The following MYT1L variants were observed in gnomAD, a reference collection of about 807,000 sequenced individuals.
The protein encoded by MYT1L is myelin transcription factor 1 like.
MYT1L carries 12 observed loss-of-function variants against 126.7 expected under a neutral mutation model. The observed-to-expected ratio is 0.09, with a 90% CI of 0.06 to 0.15. MYT1L has a LOEUF of 0.15. MYT1L is among the 10% of genes least tolerant of loss of function. MYT1L has a pLI of 1.00. For missense variants in MYT1L, 979 were observed against 1,585.2 expected (o/e 0.62, Z 6.49); for synonymous variants, 541 against 604.2 (o/e 0.90, Z 1.53).
intron 1 of MYT1L, among the ~76,000 whole-genome samples, chr2:2,308,053 T>A (rs1017098841): frequency 1.3e-5 from 2 of 151,344 alleles, no homozygotes; most frequent in Non-Finnish European, 2.9e-5. Flanking sequence ...TACTCTATAC[T>A]CCACCTATGC....
chr2:1,951,116 T>C (rs918568626), intron 8 of MYT1L, among the ~76,000 whole-genome samples: 3 of 151,986 alleles, frequency 2.0e-5, no homozygotes, highest in African/African-American at 7.3e-5. Context: ...CTCTATAATC[T>C]CTTCTTTTTC....
At chr2:2,121,366 G>A (rs1030761457) in intron 3 of MYT1L, among the ~76,000 whole-genome samples, 19 of 151,946 alleles carry the variant, frequency 1.3e-4, no homozygotes, top group African/African-American at 4.1e-4. Flanking sequence ...TAGTAGAGAC[G>A]GGGTTTCACT....
At chr2:2,108,868 T>C (rs542695843) in intron 3 of MYT1L, among the ~76,000 whole-genome samples, 1 of 152,348 alleles carries the variant, frequency 6.6e-6, no homozygotes, top group South Asian at 2.1e-4. Context: ...GCAGTTTTGG[T>C]GATGTTGTAC....
Position 1,790,753 on chromosome 2 carries a change from G to C in MYT1L, c.*1114C>G, listed in dbSNP as rs1048098611. 3 of 154,752 alleles carry C rather than the reference G, an allele frequency of 1.9e-5. No homozygotes were observed. Among genetic ancestry groups the C allele is most frequent in the Admixed American group, 1.9e-4 (3 of 15,920 alleles). The allele number at this position is 154,752 out of a possible 1,614,324, so 9.6% of individuals were successfully genotyped here. A position where few individuals can be genotyped will look rare whatever the true frequency, so the allele number is the denominator to read the frequency against. On this transcript the variant is annotated 3_prime_UTR_variant, in exon 25 of 25. Coordinates refer to ENST00000647738, the MANE Select transcript of MYT1L (RefSeq NM_001303052.2). ...TCCCACCAGATCCAGCAGAAAACTC[G>C]GTCCAGTAACTAGAAGACTCACAAA...
chr2:2,235,699 C>T (rs2094279686), intron 2 of MYT1L, among the ~76,000 whole-genome samples: 1 of 152,184 alleles, frequency 6.6e-6, no homozygotes, highest in Non-Finnish European at 1.5e-5. Flanking sequence ...ACACACTGTA[C>T]ACTGAAATAC....
intron 8 of MYT1L, among the ~76,000 whole-genome samples, chr2:1,960,624 G>A (rs960940200): frequency 7.2e-5 from 11 of 152,188 alleles, no homozygotes; most frequent in African/African-American, 2.7e-4. Context: ...AGCAGAGGTC[G>A]CACGGGAAAA....
At chr2:2,107,506 T>G (rs1040017892) in intron 3 of MYT1L, among the ~76,000 whole-genome samples, 2 of 152,218 alleles carry the variant, frequency 1.3e-5, no homozygotes, top group African/African-American at 2.4e-5. Flanking sequence ...AAGAGCTAAG[T>G]GCCCAGAATA....
In MYT1L at chr2:2,128,528, G is replaced by A. The variant is rs535391116; in HGVS notation, c.-304+44344C>T. Among the ~76,000 whole-genome samples the A allele has an allele frequency of 8.5e-5, 13 of 152,248 alleles. No individual in the cohort carries two copies. In the South Asian group the frequency reaches 2.7e-3, roughly 32 times the overall value. ...ATGGGATGCACAAGAATCAAGAGAG[G>A]CATGATTCATACATTCACTGGTGAA... is the stretch of plus-strand genomic sequence containing the variant. On this transcript the variant is annotated intron_variant, in intron 3 of 24. Coordinates refer to ENST00000647738, the MANE Select transcript of MYT1L (RefSeq NM_001303052.2).
chr2:2,166,972 T>C (rs1363533090), intron 3 of MYT1L, among the ~76,000 whole-genome samples: 1 of 152,220 alleles, frequency 6.6e-6, no homozygotes, highest in Non-Finnish European at 1.5e-5. Flanking sequence ...CATAGCTGCA[T>C]AGTAAGTGAA....
intron 3 of MYT1L, among the ~76,000 whole-genome samples, chr2:2,065,241 C>A (rs2071074410): frequency 6.6e-6 from 1 of 151,982 alleles, no homozygotes; most frequent in South Asian, 2.1e-4. Flanking sequence ...CTTCTAAAAC[C>A]TCATCACATT....
chr2:2,113,124 C>T (rs1039949704), intron 3 of MYT1L, among the ~76,000 whole-genome samples: 1 of 152,212 alleles, frequency 6.6e-6, no homozygotes, highest in Non-Finnish European at 1.5e-5. Context: ...ATAACCTTGT[C>T]TCCCACCTCC....
At chr2:1,964,686 G>A (rs928781388) in intron 8 of MYT1L, among the ~76,000 whole-genome samples, 3 of 152,126 alleles carry the variant, frequency 2.0e-5, no homozygotes, top group African/African-American at 7.2e-5. Context: ...AAAAACAACA[G>A]ACTGCATTAA....
Position 2,063,965 on chromosome 2 carries a change from A to G in MYT1L, c.-303-9842T>C, listed in dbSNP as rs951162535. Among the ~76,000 whole-genome samples the G allele has an allele frequency of 1.1e-4, 17 of 152,342 alleles. No homozygotes were observed. In the South Asian group the frequency reaches 1.7e-3, roughly 15 times the overall value. On this transcript the variant is annotated intron_variant, in intron 3 of 24. Transcript: ENST00000647738. ...GATGTTAACACTAGATATTCATGCC[A>G]TGAGATCGGACACATAAGAATCTCT... is the stretch of plus-strand genomic sequence containing the variant.
At chr2:2,070,708 T>C (rs918065158) in intron 3 of MYT1L, among the ~76,000 whole-genome samples, 7 of 152,208 alleles carry the variant, frequency 4.6e-5, no homozygotes, top group Non-Finnish European at 1.0e-4. Context: ...AATAATTTAT[T>C]CACTTGATAA....
chr2:1,813,910 C>T (rs1356925328), intron 21 of MYT1L, among the ~76,000 whole-genome samples: 1 of 124,526 alleles, frequency 8.0e-6, no homozygotes, highest in East Asian at 2.4e-4. Flanking sequence ...GCCTGTAGTC[C>T]CAGCTACTCG....
At chr2:2,080,825 T>C (rs1214766241) in intron 3 of MYT1L, among the ~76,000 whole-genome samples, 1 of 152,210 alleles carries the variant, frequency 6.6e-6, no homozygotes, top group East Asian at 1.9e-4. Context: ...AACTTTAACA[T>C]GTGACACAGC....
At position 2,003,939 on chromosome 2, in the gene MYT1L, A is replaced by G. The variant is rs552523947; in HGVS notation, c.-157-6592T>C. ...CTTTCGTGCATGCCTTCTTTCCTGCATGAGTTCTTTCCTGCATGCGTTCTT... is the reference window on the plus strand; with the variant it reads ...CTTTCGTGCATGCCTTCTTTCCTGCGTGAGTTCTTTCCTGCATGCGTTCTT... On this transcript the variant is annotated intron_variant, in intron 4 of 24. Transcript: ENST00000647738. 8.5e-4 allele frequency among the ~76,000 whole-genome samples: 129 copies of G among 152,020 alleles called. 1 individual carries two copies. Among genetic ancestry groups the G allele is most frequent in the Middle Eastern group, 3.4e-3 (1 of 294 alleles).
intron 13 of MYT1L, among the ~76,000 whole-genome samples, chr2:1,904,855 GC>G (rs1242054327): frequency 6.7e-6 from 1 of 150,138 alleles, no homozygotes; most frequent in Non-Finnish European, 1.5e-5. Flanking sequence ...GTGCAGTGGT[GC>G]GATCTCGGCT....
In MYT1L at chr2:1,889,277, G is replaced by A. The variant is rs71442304; in HGVS notation, c.2484C>T (p.Pro828=). 0.038 allele frequency: 62,046 copies of A among 1,613,844 alleles called. 1,276 individuals are homozygous for A. The highest frequency in any genetic ancestry group is 0.054 in the African/African-American group (4,041 of 75,004). ...DLPVDYTKMK[P]RRIDEDESKD... ...TGGACTCGTCCTCGTCTATCCTCCG[G>A]GGTTTCATTTTGGTGTAGTCTACGG... Residue 828 remains proline (P), a synonymous_variant, in exon 16 of 25, where the codon CCC becomes CCT. Coordinates refer to ENST00000647738, the MANE Select transcript of MYT1L (RefSeq NM_001303052.2). This position sits in a 1 kb window ranked among gnomAD's most constrained non-coding sequence, Gnocchi z 4.1.
Sources: allele counts gnomAD v4.1 joint callset (sites outside exome capture counted in the v4.1 genomes callset), GRCh38; gene constraint gnomAD v4.1.1; non-coding constraint Gnocchi (gnomAD v3.1); transcripts MANE v1.5; gene names NCBI Gene and HGNC (gene_info 2026-07-23, HGNC 2026-07-21).